Variants in ZIK1 observed in about 807,000 individuals in gnomAD.
The protein encoded by ZIK1 is zinc finger protein interacting with K protein 1, also known as zinc finger protein interacting with ribonucleoprotein K.
Under a neutral mutation model 10.7 loss-of-function variants are expected in ZIK1, and 12 were observed. The ratio of observed to expected loss-of-function variants is 1.12; its 90% CI spans 0.72 to 1.81. The LOEUF (loss-of-function observed/expected upper bound fraction) is 1.81. Among genes scored for constraint, ZIK1 ranks in the 40% most tolerant of loss-of-function variants. The pLI, the probability that ZIK1 is intolerant of heterozygous loss-of-function variation, is 0.00. For synonymous variants in ZIK1, 190 were observed against 205.0 expected (o/e 0.93, Z 0.63); for missense variants, 497 against 585.7 (o/e 0.85, Z 1.56).
chr19:57,587,177 G>C (rs574395701), intron 2 of ZIK1, among the ~76,000 whole-genome samples: 48 of 152,310 alleles, frequency 3.2e-4, no homozygotes, highest in Non-Finnish European at 6.2e-4. Context: ...CCTCTCACCA[G>C]GTCCCTCCCA....
intron 2 of ZIK1, among the ~76,000 whole-genome samples, chr19:57,585,751 C>G (rs1030006841): frequency 6.6e-6 from 1 of 152,144 alleles, no homozygotes; most frequent in African/African-American, 2.4e-5. Context: ...CTCTGTCACT[C>G]AGGCTGGAGT....
At chr19:57,588,810 CA>C in intron 3 of ZIK1, 145 bp downstream of exon 3, 2 of 867,260 alleles carry the variant, frequency 2.3e-6, no homozygotes, top group East Asian at 6.3e-5. Context: ...GGTCTGGGAA[CA>C]CCTGCTGCCC....
Position 57,591,576 on chromosome 19 carries a change from T to A in ZIK1, c.*301T>A. On this transcript the variant is annotated 3_prime_UTR_variant, in exon 4 of 4. Transcript: ENST00000597850. ...TGTTCTCTTAAGTCTTTGGAGGAAA[T>A]CTTGAGCAGTCTAAGCCTTTAGAGA... The A allele has an allele frequency of 2.6e-6, 1 of 383,958 alleles. No individual in the cohort carries two copies. Among genetic ancestry groups the A allele is most frequent in the South Asian group, 6.7e-5 (1 of 14,960 alleles). 23.8% of individuals were successfully genotyped at this position (383,958 alleles called of 1,614,324 possible). A position where few individuals can be genotyped will look rare whatever the true frequency, so the allele number is the denominator to read the frequency against.
In ZIK1 at chr19:57,592,420, C is replaced by G. The variant is rs1042717590; in HGVS notation, c.*1145C>G. 1.3e-5 allele frequency: 2 copies of G among 152,138 alleles called. No homozygotes were observed. Among genetic ancestry groups the G allele is most frequent in the Non-Finnish European group, 2.9e-5 (2 of 68,032 alleles). 9.4% of individuals were successfully genotyped at this position (152,138 alleles called of 1,614,324 possible). The stretch of plus-strand genomic sequence containing the variant: ...TAGGACCTAGAAATCTGTGTATGTC[C>G]AATAGCTGAGGTTATTTTCAGCAAA... On this transcript the variant is annotated 3_prime_UTR_variant, in exon 4 of 4. Coordinates refer to ENST00000597850, the MANE Select transcript of ZIK1 (RefSeq NM_001010879.4).
Position 57,584,356 on chromosome 19 carries a change from G to A in ZIK1, c.-1G>A, listed in dbSNP as rs1168502065. 16 of 1,599,862 alleles carry A rather than the reference G, an allele frequency of 1.0e-5. No homozygotes were observed. The highest frequency in any genetic ancestry group is 1.4e-5 in the Non-Finnish European group (16 of 1,174,026). On this transcript the variant is annotated 5_prime_UTR_variant, in exon 1 of 4. Transcript: ENST00000597850. Reference sequence around the variant, plus strand: ...CGGCCCCGCTCTGCCCACAGACTCCGATGGCTGCGGCCGCGCTGAGGGCCC... The same window carrying A: ...CGGCCCCGCTCTGCCCACAGACTCCAATGGCTGCGGCCGCGCTGAGGGCCC...
intron 1 of ZIK1, 133 bp from the exon 2 acceptor site, chr19:57,584,819 G>C: frequency 8.6e-7 from 1 of 1,156,182 alleles, no homozygotes; most frequent in South Asian, 1.6e-5. Context: ...CTGAGGACTG[G>C]AACGCTGAGG....
intron 3 of ZIK1, chr19:57,589,778 C>A: frequency 1.2e-6 from 1 of 825,018 alleles, no homozygotes; most frequent in Non-Finnish European, 1.5e-6. Flanking sequence ...GGTTTGAAGG[C>A]AATGCCATTC....
At position 57,590,160 on chromosome 19, in the gene ZIK1, G is replaced by C; in HGVS notation, c.349G>C (p.Asp117His). 6.2e-7 allele frequency: 1 copy of C among 1,614,174 alleles called. No homozygotes were observed. Residue 117 changes from aspartate to histidine, a missense_variant, in exon 4 of 4, where the codon GAT becomes CAT. By Grantham distance (81) the Asp-to-His change is moderately conservative. Coordinates refer to ENST00000597850, the MANE Select transcript of ZIK1 (RefSeq NM_001010879.4). ...PVLKDILHLADLPGQKPYLVG... is the reference protein window; with the variant it reads ...PVLKDILHLAHLPGQKPYLVG... ...CCTGAAAGATATTTTGCATCTAGCT[G>C]ATCTCCCTGGGCAGAAACCATACTT... is the stretch of plus-strand genomic sequence containing the variant.
intron 2 of ZIK1, among the ~76,000 whole-genome samples, chr19:57,588,228 A>G (rs1257166161): frequency 6.6e-6 from 1 of 152,160 alleles, no homozygotes; most frequent in Non-Finnish European, 1.5e-5. Context: ...GGCCCCTGGC[A>G]TTGAGGACTT....
At position 57,584,355 on chromosome 19, in the gene ZIK1, C is replaced by G. The variant is rs778916186; in HGVS notation, c.-2C>G. 2 of 1,599,282 alleles carry G rather than the reference C, an allele frequency of 1.3e-6. No homozygotes were observed. Among genetic ancestry groups the G allele is most frequent in the Admixed American group, 3.4e-5 (2 of 58,618 alleles). On this transcript the variant is annotated 5_prime_UTR_variant, in exon 1 of 4. Transcript: ENST00000597850. The stretch of plus-strand genomic sequence containing the variant: ...CCGGCCCCGCTCTGCCCACAGACTC[C>G]GATGGCTGCGGCCGCGCTGAGGGCC...
chr19:57,591,736 T>C lies in ZIK1; in HGVS notation c.*461T>C, dbSNP rs1979712995. On this transcript the variant is annotated 3_prime_UTR_variant, in exon 4 of 4. Coordinates refer to ENST00000597850, the MANE Select transcript of ZIK1 (RefSeq NM_001010879.4). ...TAAATTCTTGGTCTCACATGACACT[T>C]GGTCATTCTTCCAGCCTCCATGTCA... 1 of 159,330 alleles carries C rather than the reference T, an allele frequency of 6.3e-6. No homozygotes were observed. Among genetic ancestry groups the C allele is most frequent in the Non-Finnish European group, 1.4e-5 (1 of 72,122 alleles). The allele number at this position is 159,330 out of a possible 1,614,324, so 9.9% of individuals were successfully genotyped here.
At position 57,593,064 on chromosome 19, in the gene ZIK1, G is replaced by C. The variant is rs905113421; in HGVS notation, c.*1789G>C. The stretch of plus-strand genomic sequence containing the variant: ...GATGCACAATTTTTTTTTTTTTTTT[G>C]AGATGGAGTCTCAGTCTGTCACCAG... On this transcript the variant is annotated 3_prime_UTR_variant, in exon 4 of 4. Coordinates refer to ENST00000597850, the MANE Select transcript of ZIK1 (RefSeq NM_001010879.4). The C allele has an allele frequency of 9.1e-6, 1 of 110,166 alleles. No individual in the cohort carries two copies. Among genetic ancestry groups the C allele is most frequent in the Non-Finnish European group, 1.9e-5 (1 of 53,032 alleles). 6.8% of individuals were successfully genotyped at this position (110,166 alleles called of 1,614,324 possible).
Position 57,584,276 on chromosome 19 carries a change from C to T in ZIK1, c.-81C>T, listed in dbSNP as rs1044372120. On this transcript the variant is annotated 5_prime_UTR_variant, in exon 1 of 4. Coordinates refer to ENST00000597850, the MANE Select transcript of ZIK1 (RefSeq NM_001010879.4). ...GAACAGTGGGGGTTCTAAGGGTCGG[C>T]GGCGGCGGGGTTGACGGCTTTGCCT... The T allele has an allele frequency of 1.8e-5, 27 of 1,519,502 alleles. No homozygotes were observed. The highest frequency in any genetic ancestry group is 2.0e-5 in the Non-Finnish European group (23 of 1,131,474). 94.1% of individuals were successfully genotyped at this position (1,519,502 alleles called of 1,614,324 possible). A position where few individuals can be genotyped will look rare whatever the true frequency, so the allele number is the denominator to read the frequency against.
intron 3 of ZIK1, chr19:57,589,460 C>A (rs1979464132): frequency 1.0e-6 from 1 of 985,300 alleles, no homozygotes; most frequent in Non-Finnish European, 1.2e-6. Flanking sequence ...CTTCTAGCAC[C>A]TGGCTACCTC....
At position 57,593,326 on chromosome 19, in the gene ZIK1, C is replaced by T. The variant is rs1347862422; in HGVS notation, c.*2051C>T. 6.6e-6 allele frequency: 1 copy of T among 152,294 alleles called. No homozygotes were observed. The highest frequency in any genetic ancestry group is 2.1e-4 in the South Asian group (1 of 4,830). 9.4% of individuals were successfully genotyped at this position (152,294 alleles called of 1,614,324 possible). On this transcript the variant is annotated 3_prime_UTR_variant, in exon 4 of 4. Transcript: ENST00000597850. The stretch of plus-strand genomic sequence containing the variant: ...AAGTGCTGGGATTACAGGCGTAAGC[C>T]ACCACACCAGCTGATGCACAATTAC...
intron 3 of ZIK1, chr19:57,589,395 C>A: frequency 1.0e-6 from 1 of 985,346 alleles, no homozygotes. Flanking sequence ...AATCTCATTT[C>A]TATATTTTCT....
chr19:57,591,323 TATC>T lies in ZIK1; in HGVS notation c.*54_*56del, dbSNP rs1408378347. ...GTGGAAGCGCCTTCAACTCAAGATCTATCATCATTTAGCTCCTGAAAGTCCACA... is the reference window on the plus strand; with the variant it reads ...GTGGAAGCGCCTTCAACTCAAGATCTATCATTTAGCTCCTGAAAGTCCACA... On this transcript the variant is annotated 3_prime_UTR_variant, in exon 4 of 4. Transcript: ENST00000597850. 6.5e-7 allele frequency: 1 copy of T among 1,532,522 alleles called. No individual in the cohort carries two copies. The highest frequency in any genetic ancestry group is 1.4e-5 in the African/African-American group (1 of 72,464). The allele number at this position is 1,532,522 out of a possible 1,614,324, so 94.9% of individuals were successfully genotyped here.
rs1315728117 is a variant in ZIK1 at position 57,593,796 on chromosome 19, A to G, written c.*2521A>G. On this transcript the variant is annotated 3_prime_UTR_variant, in exon 4 of 4. Coordinates refer to ENST00000597850, the MANE Select transcript of ZIK1 (RefSeq NM_001010879.4). ...TCTTGTATCTAGTTGCCACCTGTAT[A>G]TCCTCTTTGGAAGAATGTTTATTAA... is the stretch of plus-strand genomic sequence containing the variant. The G allele has an allele frequency of 6.7e-6, 1 of 149,352 alleles. No homozygotes were observed. Among genetic ancestry groups the G allele is most frequent in the East Asian group, 1.9e-4 (1 of 5,136 alleles). The allele number at this position is 149,352 out of a possible 1,614,324, so 9.3% of individuals were successfully genotyped here.
At chr19:57,587,272 G>A (rs1979249641) in intron 2 of ZIK1, among the ~76,000 whole-genome samples, 1 of 152,160 alleles carries the variant, frequency 6.6e-6, no homozygotes, top group African/African-American at 2.4e-5. Flanking sequence ...AAGTGGTCAA[G>A]GCTTCCAAGG....
Sources: allele counts gnomAD v4.1 joint callset (sites outside exome capture counted in the v4.1 genomes callset), GRCh38; gene constraint gnomAD v4.1.1; transcripts MANE v1.5; gene names NCBI Gene and HGNC (gene_info 2026-07-23, HGNC 2026-07-21).